The following PDE1A variants were observed in gnomAD, a reference collection of about 807,000 sequenced individuals.
The protein encoded by PDE1A is phosphodiesterase 1A.
In PDE1A, 35 loss-of-function variants were observed where a neutral mutation model predicts 61.7. The observed-to-expected ratio is 0.57, with a 90% CI of 0.43 to 0.75. The LOEUF (loss-of-function observed/expected upper bound fraction) is 0.75, where lower values mean the gene tolerates loss of function less well. Ranked by LOEUF, PDE1A falls within the 30% of genes least tolerant of loss-of-function variation. PDE1A has a pLI of 0.00. For synonymous variants in PDE1A, 232 were observed against 213.2 expected (o/e 1.09, Z -0.77); for missense variants, 597 against 630.6 (o/e 0.95, Z 0.57).
At chr2:182,579,779 T>C in the PDE1A span, among the ~76,000 whole-genome samples, 1 of 152,158 alleles carries the variant, frequency 6.6e-6, no homozygotes, top group African/African-American at 2.4e-5. Flanking sequence ...ATATAAATTA[T>C]TATAATAAAG....
At position 182,419,497 on chromosome 2, in the gene PDE1A, G is replaced by C. The variant is rs992919871; in HGVS notation, c.53+7081C>G. 2.0e-5 allele frequency among the ~76,000 whole-genome samples: 3 copies of C among 151,800 alleles called. 1 individual carries two copies. Among genetic ancestry groups the C allele is most frequent in the Admixed American group, 2.0e-4 (3 of 15,230 alleles). ...ACTACAGGCGTGTGCCACCACATCC[G>C]GCTAATTTGATTTTCTCATTCTTTA... is the stretch of plus-strand genomic sequence containing the variant. On this transcript the variant is annotated intron_variant, in intron 1 of 13. Coordinates refer to ENST00000351439, the Ensembl canonical transcript of PDE1A.
At chr2:182,614,299 C>G in the PDE1A span, among the ~76,000 whole-genome samples, 11 of 152,114 alleles carry the variant, frequency 7.2e-5, no homozygotes, top group African/African-American at 2.7e-4. Flanking sequence ...AGGAGTATCC[C>G]TCTGAGAGGC....
Position 182,245,407 on chromosome 2 carries a change from G to C in PDE1A, c.168-5115C>G, listed in dbSNP as rs192791351. Among the ~76,000 whole-genome samples, 19 of 152,094 alleles carry C rather than the reference G, an allele frequency of 1.2e-4. No individual in the cohort carries two copies. In the South Asian group the frequency reaches 3.1e-3, roughly 25 times the overall value. ...CACACTTTCTGTTGTACATTCTATG[G>C]GTTTTGATAAATGTATAATGACATA... On this transcript the variant is annotated intron_variant, in intron 2 of 13. Transcript: ENST00000351439.
intron 1 of PDE1A, among the ~76,000 whole-genome samples, chr2:182,415,055 T>G (rs1702833170): frequency 6.6e-6 from 1 of 152,106 alleles, no homozygotes; most frequent in Non-Finnish European, 1.5e-5. Context: ...GTAAACATCA[T>G]GAAATAATGG....
intron 2 of PDE1A, among the ~76,000 whole-genome samples, chr2:182,510,296 A>G (rs1689702783): frequency 6.6e-6 from 1 of 152,212 alleles, no homozygotes; most frequent in African/African-American, 2.4e-5. Flanking sequence ...CCTTAACTAT[A>G]GTCATTCATG....
intron 1 of PDE1A, among the ~76,000 whole-genome samples, chr2:182,421,779 A>T (rs1466084075): frequency 6.6e-6 from 1 of 152,142 alleles, no homozygotes; most frequent in East Asian, 1.9e-4. Flanking sequence ...TTACACTCAA[A>T]TGTGTTTATT....
intron 7 of PDE1A, among the ~76,000 whole-genome samples, chr2:182,211,159 C>A (rs146818626): frequency 6.6e-6 from 1 of 152,192 alleles, no homozygotes; most frequent in Non-Finnish European, 1.5e-5. Flanking sequence ...GTTTGCAACA[C>A]ATGAATTCTG....
chr2:182,625,325 G>C, the PDE1A span, among the ~76,000 whole-genome samples: 1 of 152,222 alleles, frequency 6.6e-6, no homozygotes, highest in Non-Finnish European at 1.5e-5. Context: ...ACAGTGAGGT[G>C]AGATGGTCCT....
chr2:182,186,547 T>A, exon 12 of PDE1A: 1 of 1,612,700 alleles, frequency 6.2e-7, no homozygotes, highest in Non-Finnish European at 8.5e-7. Context: ...GTTGAGTCTG[T>A]CAGAAGAGAA....
chr2:182,345,177 A>G (rs1242968300), intron 1 of PDE1A, among the ~76,000 whole-genome samples: 6 of 152,166 alleles, frequency 3.9e-5, no homozygotes, highest in Non-Finnish European at 8.8e-5. Context: ...TCCCATCACC[A>G]TCTCCACTTA....
intron 1 of PDE1A, among the ~76,000 whole-genome samples, chr2:182,415,913 G>A (rs1223588258): frequency 6.6e-6 from 1 of 152,122 alleles, no homozygotes; most frequent in African/African-American, 2.4e-5. Context: ...ATACCTCAAA[G>A]AAGAACCATA....
chr2:182,540,412 A>T, the PDE1A span, among the ~76,000 whole-genome samples: 1 of 148,642 alleles, frequency 6.7e-6, no homozygotes, highest in Non-Finnish European at 1.5e-5. Context: ...CAGCAGCAGC[A>T]GCAGGAAGTC....
downstream of PDE1A, among the ~76,000 whole-genome samples, chr2:182,165,591 T>C (rs4666817): frequency 0.21 from 31,256 of 152,060 alleles, 3,447 homozygotes; most frequent in East Asian, 0.33. Flanking sequence ...CCACTCAATA[T>C]AGGCTGACTA....
At chr2:182,397,993 G>A (rs1701802612) in intron 1 of PDE1A, among the ~76,000 whole-genome samples, 1 of 151,968 alleles carries the variant, frequency 6.6e-6, no homozygotes, top group African/African-American at 2.4e-5. Flanking sequence ...TCTTTCTAAA[G>A]ATGTTTACAT....
At chr2:182,578,688 A>C in the PDE1A span, among the ~76,000 whole-genome samples, 1 of 152,214 alleles carries the variant, frequency 6.6e-6, no homozygotes. Context: ...TTTTTACATG[A>C]ACCTGAAAGA....
intron 1 of PDE1A, among the ~76,000 whole-genome samples, chr2:182,338,183 G>C (rs1464237073): frequency 3.3e-5 from 5 of 152,132 alleles, no homozygotes; most frequent in African/African-American, 7.2e-5. Flanking sequence ...AGAGAAGTGA[G>C]GATGCTGGAG....
chr2:182,691,869 A>G, the PDE1A span, among the ~76,000 whole-genome samples: 9 of 152,236 alleles, frequency 5.9e-5, no homozygotes, highest in Non-Finnish European at 8.8e-5. Flanking sequence ...GGCGAAGGAT[A>G]TGAACAGACA....
At chr2:182,636,681 A>T in the PDE1A span, among the ~76,000 whole-genome samples, 1,469 of 152,346 alleles carry the variant, frequency 9.6e-3, 26 homozygotes, top group African/African-American at 0.033. Flanking sequence ...GTGTAAAACA[A>T]TACAAATTGA....
chr2:182,235,555 A>T (rs1325952194), intron 3 of PDE1A, among the ~76,000 whole-genome samples: 1 of 152,236 alleles, frequency 6.6e-6, no homozygotes, highest in African/African-American at 2.4e-5. Context: ...GTGAGAAAAG[A>T]ATCAATATGA....
Sources: gnomAD v4.1 joint callset for allele counts (sites outside exome capture counted in the v4.1 genomes callset) on GRCh38, gnomAD v4.1.1 for gene constraint, MANE v1.5 for transcripts, NCBI Gene and HGNC (gene_info 2026-07-23, HGNC 2026-07-21) for gene names.